Variants in ZC2HC1B observed in about 807,000 individuals in gnomAD.
ZC2HC1B encodes zinc finger C2HC domain-containing protein 1B.
Under a neutral mutation model 31.0 loss-of-function variants are expected in ZC2HC1B, and 36 were observed. The ratio of observed to expected loss-of-function variants is 1.16; its 90% confidence interval spans 0.89 to 1.54. ZC2HC1B has a LOEUF of 1.54. ZC2HC1B is among the 40% of genes most tolerant of loss of function. ZC2HC1B has a pLI of 0.00. For synonymous variants in ZC2HC1B, 73 were observed against 88.0 expected, an observed-to-expected ratio of 0.83 and a Z score of 0.95; for missense variants, 260 against 268.6, an observed-to-expected ratio of 0.97 and a Z score of 0.22.
chr6:143,932,212 G>A (rs1299609123), intron 6 of ZC2HC1B, among the ~76,000 whole-genome samples: 1 of 152,070 alleles, frequency 6.6e-6, no homozygotes, highest in African/African-American at 2.4e-5. Flanking sequence ...GATCTCTAGT[G>A]AGCTCAGGGA....
intron 6 of ZC2HC1B, among the ~76,000 whole-genome samples, chr6:143,927,795 A>G (rs896892770): frequency 1.3e-5 from 2 of 152,182 alleles, no homozygotes; most frequent in African/African-American, 4.8e-5. Flanking sequence ...ATCTTTGCCA[A>G]CATCTGTTAT....
At chr6:143,888,220 G>A (rs1406767716) in intron 4 of ZC2HC1B, among the ~76,000 whole-genome samples, 1 of 151,998 alleles carries the variant, frequency 6.6e-6, no homozygotes, top group East Asian at 1.9e-4. Context: ...ATATGTTTGA[G>A]GATTTATTCC....
chr6:143,887,316 A>G lies in ZC2HC1B; in HGVS notation c.349+495A>G, dbSNP rs577133605. The stretch of plus-strand genomic sequence containing the variant: ...GAATAGTACACATGCCCTCCACTGA[A>G]ATTTGGCAATTGTTGACGCTGTTGC... On this transcript the variant is annotated intron_variant, in intron 4 of 7. Transcript: ENST00000237275. This position sits in a 1 kb window ranked among gnomAD's most constrained non-coding sequence, Gnocchi z 5.1. Among the ~76,000 whole-genome samples, 1 of 152,216 alleles carries G rather than the reference A, an allele frequency of 6.6e-6. No individual in the cohort carries two copies. The highest frequency in any genetic ancestry group is 1.5e-5 in the Non-Finnish European group (1 of 68,026).
At chr6:143,932,725 T>C (rs1356593428) in intron 6 of ZC2HC1B, among the ~76,000 whole-genome samples, 1 of 152,218 alleles carries the variant, frequency 6.6e-6, no homozygotes, top group African/African-American at 2.4e-5. Context: ...GGGGGTGTTA[T>C]AGAACCTTGT....
intron 6 of ZC2HC1B, among the ~76,000 whole-genome samples, chr6:143,919,896 C>G (rs1194980907): frequency 6.6e-6 from 1 of 152,110 alleles, no homozygotes; most frequent in African/African-American, 2.4e-5. Flanking sequence ...GAGACAAATT[C>G]CTGGTGCTTC....
In ZC2HC1B at chr6:143,902,911, C is replaced by G. The variant is rs1200209503; in HGVS notation, c.490-133C>G. 3 of 751,906 alleles carry G rather than the reference C, an allele frequency of 4.0e-6. No homozygotes were observed. The African/African-American group carries it at 5.2e-5, about 13-fold the overall frequency. 46.6% of individuals were successfully genotyped at this position (751,906 alleles called of 1,614,324 possible). ...GCAGGGTGTGTGTCTGTCCCCTTCC[C>G]CTGGATTCAGGGAGTCCCTGCAGAT... On this transcript the variant is annotated intron_variant, in intron 5 of 7. Transcript: ENST00000237275.
At chr6:143,907,826 G>T (rs1777813897) in intron 6 of ZC2HC1B, among the ~76,000 whole-genome samples, 1 of 152,066 alleles carries the variant, frequency 6.6e-6, no homozygotes, top group Non-Finnish European at 1.5e-5. Flanking sequence ...ATTGCTTTTG[G>T]TGTCTTCATC....
In ZC2HC1B at chr6:143,934,139, C is replaced by T. The variant is rs1371318041; in HGVS notation, c.599-3510C>T. Among the ~76,000 whole-genome samples, 2 of 152,226 alleles carry T rather than the reference C, an allele frequency of 1.3e-5. No homozygotes were observed. Among genetic ancestry groups the T allele is most frequent in the African/African-American group, 4.8e-5 (2 of 41,448 alleles). On this transcript the variant is annotated intron_variant, in intron 6 of 7. Transcript: ENST00000237275. This position sits in a 1 kb window ranked among gnomAD's most constrained non-coding sequence, Gnocchi z 4.6. ...CGTAATCTGGATTTTTCAGGTTCCT[C>T]AGTGGGGACGTGTGCTTGGAAGCAG...
In ZC2HC1B at chr6:143,899,509, G is replaced by A. The variant is rs1777708991; in HGVS notation, c.489+818G>A. Among the ~76,000 whole-genome samples, 1 of 152,168 alleles carries A rather than the reference G, an allele frequency of 6.6e-6. No individual in the cohort carries two copies. The highest frequency in any genetic ancestry group is 6.5e-5 in the Admixed American group (1 of 15,268). ...TCCCACCTCGGCCTCCTGAGTAGCT[G>A]GAACTACAGGTGCATAGCACCACGC... On this transcript the variant is annotated intron_variant, in intron 5 of 7. Coordinates refer to ENST00000237275, the MANE Select transcript of ZC2HC1B (RefSeq NM_001013623.3). This position sits in a 1 kb window ranked among gnomAD's most constrained non-coding sequence, Gnocchi z 5.0.
rs1303201818 is a variant in ZC2HC1B at position 143,868,431 on chromosome 6, T to C, written c.28+3864T>C. Reference sequence around the variant, plus strand: ...AAGCATCCAGCACAGGAGAAAGATGTAGGCTGGGAGGCTAGGCCAGTCTAG... The same window carrying C: ...AAGCATCCAGCACAGGAGAAAGATGCAGGCTGGGAGGCTAGGCCAGTCTAG... On this transcript the variant is annotated intron_variant, in intron 1 of 7. Transcript: ENST00000237275. This position sits in a 1 kb window ranked among gnomAD's most constrained non-coding sequence, Gnocchi z 4.2. Among the ~76,000 whole-genome samples, 1 of 151,844 alleles carries C rather than the reference T, an allele frequency of 6.6e-6. No homozygotes were observed. Among genetic ancestry groups the C allele is most frequent in the East Asian group, 1.9e-4 (1 of 5,156 alleles).
chr6:143,893,411 A>G (rs1481383299), intron 4 of ZC2HC1B, among the ~76,000 whole-genome samples: 1 of 151,706 alleles, frequency 6.6e-6, no homozygotes, highest in African/African-American at 2.4e-5. Flanking sequence ...CTAAAAATAC[A>G]AAAAAAATTA....
intron 6 of ZC2HC1B, among the ~76,000 whole-genome samples, chr6:143,926,467 T>C (rs1486086129): frequency 6.6e-6 from 1 of 151,454 alleles, no homozygotes; most frequent in African/African-American, 2.4e-5. Context: ...CCTATTGTGA[T>C]CTGAAAGGTA....
In ZC2HC1B at chr6:143,887,267, TA is replaced by T. The variant is rs1777540984; in HGVS notation, c.349+451del. ...ACTGGAAACATTTTATTTGAAAATT[TA>T]AAAATCTACAGAAAAGAGGAAGGAA... On this transcript the variant is annotated intron_variant, in intron 4 of 7. Coordinates refer to ENST00000237275, the MANE Select transcript of ZC2HC1B (RefSeq NM_001013623.3). The surrounding 1 kb of genome is among the most constrained non-coding windows in gnomAD (Gnocchi z 5.1). Among the ~76,000 whole-genome samples, 1 of 152,198 alleles carries T rather than the reference TA, an allele frequency of 6.6e-6. No homozygotes were observed. The highest frequency in any genetic ancestry group is 1.5e-5 in the Non-Finnish European group (1 of 68,034).
Position 143,895,159 on chromosome 6 carries a change from T to A in ZC2HC1B, c.350-3393T>A, listed in dbSNP as rs765415093. On this transcript the variant is annotated intron_variant, in intron 4 of 7. Coordinates refer to ENST00000237275, the MANE Select transcript of ZC2HC1B (RefSeq NM_001013623.3). This position sits in a 1 kb window ranked among gnomAD's most constrained non-coding sequence, Gnocchi z 4.8. ...TAAGTTCTAGAGAATTTATTTGTTT[T>A]TTGTTGTTGTTGTTGTTTTTGAGAC... Among the ~76,000 whole-genome samples the A allele has an allele frequency of 1.3e-5, 2 of 152,078 alleles. No individual in the cohort carries two copies. The highest frequency in any genetic ancestry group is 1.3e-4 in the Admixed American group (2 of 15,266).
In ZC2HC1B at chr6:143,924,398, C is replaced by A. The variant is rs925906668; in HGVS notation, c.599-13251C>A. ...TATATATATCCATGTATATATAATACACACACACACATATATCCATGTTAT... is the reference window on the plus strand; with the variant it reads ...TATATATATCCATGTATATATAATAAACACACACACATATATCCATGTTAT... On this transcript the variant is annotated intron_variant, in intron 6 of 7. Coordinates refer to ENST00000237275, the MANE Select transcript of ZC2HC1B (RefSeq NM_001013623.3). The surrounding 1 kb of genome is among the most constrained non-coding windows in gnomAD (Gnocchi z 5.2). 1.3e-4 allele frequency among the ~76,000 whole-genome samples: 19 copies of A among 150,776 alleles called. No individual in the cohort carries two copies. Among genetic ancestry groups the A allele is most frequent in the African/African-American group, 4.4e-4 (18 of 41,088 alleles).
rs1477236886 is a variant in ZC2HC1B at position 143,883,202 on chromosome 6, A to G, written c.29-1102A>G. ...CCACAGGCGCGAGCCACCAAGCCCA[A>G]CTAATTTTTTATTTTGTGTAGAGAC... On this transcript the variant is annotated intron_variant, in intron 1 of 7. Coordinates refer to ENST00000237275, the MANE Select transcript of ZC2HC1B (RefSeq NM_001013623.3). The surrounding 1 kb of genome is among the most constrained non-coding windows in gnomAD (Gnocchi z 4.1). Among the ~76,000 whole-genome samples the G allele has an allele frequency of 1.3e-5, 2 of 152,064 alleles. No individual in the cohort carries two copies. Among genetic ancestry groups the G allele is most frequent in the South Asian group, 2.1e-4 (1 of 4,820 alleles).
rs1250617396 is a variant in ZC2HC1B at position 143,885,076 on chromosome 6, C to G, written c.90+711C>G. Among the ~76,000 whole-genome samples the G allele has an allele frequency of 6.6e-6, 1 of 152,016 alleles. No homozygotes were observed. Among genetic ancestry groups the G allele is most frequent in the African/African-American group, 2.4e-5 (1 of 41,356 alleles). On this transcript the variant is annotated intron_variant, in intron 2 of 7. Transcript: ENST00000237275. The surrounding 1 kb of genome is among the most constrained non-coding windows in gnomAD (Gnocchi z 4.2). Reference sequence around the variant, plus strand: ...AAAAAGAAAATCTAAGATGATAATACAGCTGTCAGTTGGGACATTTTAGAT... The same window carrying G: ...AAAAAGAAAATCTAAGATGATAATAGAGCTGTCAGTTGGGACATTTTAGAT...
At chr6:143,912,523 G>A (rs1369669457) in intron 6 of ZC2HC1B, among the ~76,000 whole-genome samples, 1 of 152,120 alleles carries the variant, frequency 6.6e-6, no homozygotes, top group African/African-American at 2.4e-5. Context: ...AGGTTTGCTG[G>A]GGGTCCACTC....
In ZC2HC1B at chr6:143,927,222, G is replaced by T. The variant is rs1344521696; in HGVS notation, c.599-10427G>T. ...ACATGGGTATATTGCGTAGTGTTGA[G>T]GTCTGGGCTTTTAGTGTAACCATCA... On this transcript the variant is annotated intron_variant, in intron 6 of 7. Coordinates refer to ENST00000237275, the MANE Select transcript of ZC2HC1B (RefSeq NM_001013623.3). Among the ~76,000 whole-genome samples the T allele has an allele frequency of 2.0e-5, 3 of 152,044 alleles. No individual in the cohort carries two copies. In the East Asian group the frequency reaches 5.8e-4, roughly 29 times the overall value.
Sources: gnomAD v4.1 joint callset for allele counts (sites outside exome capture counted in the v4.1 genomes callset) on GRCh38, gnomAD v4.1.1 for gene constraint, Gnocchi (gnomAD v3.1) non-coding constraint, MANE v1.5 for transcripts, NCBI Gene and HGNC (gene_info 2026-07-23, HGNC 2026-07-21) for gene names.